CNR2: variants seen among roughly 807,000 people sequenced by gnomAD.
CNR2 encodes the protein cannabinoid receptor 2, also known as cannabinoid receptor 2 (macrophage).
For synonymous variants in CNR2, 172 were observed against 182.2 expected, an observed-to-expected ratio of 0.94 and a Z score of 0.45; for missense variants, 379 against 439.9, an observed-to-expected ratio of 0.86 and a Z score of 1.24.
chr1:23,894,115 T>C (rs1462887900), intron 1 of CNR2, among the ~76,000 whole-genome samples: 5 of 63,710 alleles, frequency 7.8e-5, no homozygotes, highest in Non-Finnish European at 2.9e-5. Flanking sequence ...GCAGACCCTG[T>C]CTCAAATTAA....
At chr1:23,887,097 G>A (rs1443760964) in intron 1 of CNR2, among the ~76,000 whole-genome samples, 2 of 152,120 alleles carry the variant, frequency 1.3e-5, no homozygotes, top group African/African-American at 4.8e-5. Context: ...ATTGAGACAG[G>A]GTTTTGCCAT....
At chr1:23,893,511 T>C (rs532606689) in intron 1 of CNR2, among the ~76,000 whole-genome samples, 1 of 152,328 alleles carries the variant, frequency 6.6e-6, no homozygotes, top group African/African-American at 2.4e-5. Flanking sequence ...TAAAACTAAT[T>C]AAGCAGGAGA....
chr1:23,907,745 A>T (rs1640520372), intron 1 of CNR2: 1 of 152,082 alleles, frequency 6.6e-6, no homozygotes, highest in Non-Finnish European at 1.5e-5. Context: ...CACCCACCTC[A>T]GCCTCCCAAA....
Position 23,874,285 on chromosome 1 carries a change from T to C in CNR2, c.*250A>G. ...AGCCTGACCTGACTTGTACTGACCC[T>C]GTCCCAGGCCTTTTGTGTCTCGCCT... is the stretch of plus-strand genomic sequence containing the variant. On this transcript the variant is annotated 3_prime_UTR_variant, in exon 2 of 2. Coordinates refer to ENST00000374472, the MANE Select transcript of CNR2 (RefSeq NM_001841.3). The C allele has an allele frequency of 2.2e-6, 1 of 463,416 alleles. No individual in the cohort carries two copies. Among genetic ancestry groups the C allele is most frequent in the Non-Finnish European group, 3.9e-6 (1 of 253,738 alleles). 28.7% of individuals were successfully genotyped at this position (463,416 alleles called of 1,614,324 possible).
At position 23,871,106 on chromosome 1, in the gene CNR2, T is replaced by G. The variant is rs1365698488; in HGVS notation, c.*3429A>C. On this transcript the variant is annotated 3_prime_UTR_variant, in exon 2 of 2. Coordinates refer to ENST00000374472, the MANE Select transcript of CNR2 (RefSeq NM_001841.3). The stretch of plus-strand genomic sequence containing the variant: ...AGGCAGAGGTTGCAGTGAGCCAAGA[T>G]TGCATGCCACTGCACTCCAACCTGG... The G allele has an allele frequency of 7.3e-6, 1 of 137,436 alleles. No homozygotes were observed. The highest frequency in any genetic ancestry group is 2.1e-4 in the East Asian group (1 of 4,798). The allele number at this position is 137,436 out of a possible 1,614,324, so 8.5% of individuals were successfully genotyped here.
chr1:23,889,185 A>G (rs1218906685), intron 1 of CNR2, among the ~76,000 whole-genome samples: 1 of 152,144 alleles, frequency 6.6e-6, no homozygotes, highest in Admixed American at 6.6e-5. Flanking sequence ...GAACCTGCTC[A>G]GAAAAGGTGT....
At chr1:23,901,996 G>T (rs1431446185) in intron 1 of CNR2, 9 of 1,605,238 alleles carry the variant, frequency 5.6e-6, no homozygotes, top group Non-Finnish European at 7.7e-6. Context: ...ACCACAGGAA[G>T]ATGGTGTGGG....
At chr1:23,909,412 C>A (rs1229168868) in intron 1 of CNR2, among the ~76,000 whole-genome samples, 2 of 152,164 alleles carry the variant, frequency 1.3e-5, no homozygotes, top group African/African-American at 4.8e-5. Flanking sequence ...AGAGCCTTGG[C>A]TGTGCGTGGG....
intron 1 of CNR2, among the ~76,000 whole-genome samples, chr1:23,886,852 C>T (rs1223116706): frequency 6.6e-6 from 1 of 152,074 alleles, no homozygotes; most frequent in Non-Finnish European, 1.5e-5. Context: ...TAGAGATGGC[C>T]CTATGCAGAG....
chr1:23,890,029 G>A (rs1215847679), intron 1 of CNR2, among the ~76,000 whole-genome samples: 3 of 151,942 alleles, frequency 2.0e-5, no homozygotes, highest in African/African-American at 7.2e-5. Context: ...CAGCACTTTG[G>A]GAGGCAGAGA....
chr1:23,896,243 A>G (rs1640280538), intron 1 of CNR2, among the ~76,000 whole-genome samples: 1 of 152,202 alleles, frequency 6.6e-6, no homozygotes, highest in East Asian at 1.9e-4. Context: ...TTTACCCATC[A>G]GGCTGTTGGG....
intron 1 of CNR2, chr1:23,902,152 C>T (rs1640411185): frequency 1.4e-6 from 2 of 1,415,332 alleles, no homozygotes; most frequent in Non-Finnish European, 1.0e-6. Context: ...CAGCCCCTGC[C>T]TCTTGCACTC....
At chr1:23,897,284 G>A (rs1161124605) in intron 1 of CNR2, among the ~76,000 whole-genome samples, 2 of 152,046 alleles carry the variant, frequency 1.3e-5, no homozygotes, top group South Asian at 2.1e-4. Flanking sequence ...AAGAGCTGGC[G>A]AGAGAAAGGC....
At chr1:23,888,660 T>C (rs1308809089) in intron 1 of CNR2, among the ~76,000 whole-genome samples, 1 of 152,056 alleles carries the variant, frequency 6.6e-6, no homozygotes, top group African/African-American at 2.4e-5. Context: ...CTGAACCTAT[T>C]CTGGGCTGCC....
intron 1 of CNR2, among the ~76,000 whole-genome samples, chr1:23,887,651 G>A (rs932548777): frequency 6.6e-6 from 1 of 152,114 alleles, no homozygotes; most frequent in Non-Finnish European, 1.5e-5. Flanking sequence ...AGAATCTCTG[G>A]CTTCTAGACA....
At chr1:23,879,866 T>C (rs2148458872) in intron 1 of CNR2, among the ~76,000 whole-genome samples, 1 of 152,262 alleles carries the variant, frequency 6.6e-6, no homozygotes, top group South Asian at 2.1e-4. Context: ...TTTAAAAATA[T>C]AGGATCTTGT....
intron 1 of CNR2, chr1:23,907,987 T>TTC (rs1640524906): frequency 1.5e-5 from 2 of 134,540 alleles, no homozygotes; most frequent in African/African-American, 5.7e-5. Context: ...ACTGCTTTTT[T>TTC]TTTTTTTTTT....
At chr1:23,909,606 G>C (rs1055176381) in intron 1 of CNR2, among the ~76,000 whole-genome samples, 6 of 152,172 alleles carry the variant, frequency 3.9e-5, no homozygotes, top group Non-Finnish European at 7.3e-5. Flanking sequence ...TAGAGCCTCA[G>C]GGTCTTGGCA....
At chr1:23,886,887 GGTTTTTTT>G (rs1345121223) in intron 1 of CNR2, among the ~76,000 whole-genome samples, 1 of 72,560 alleles carries the variant, frequency 1.4e-5, no homozygotes, top group African/African-American at 4.9e-5. Flanking sequence ...CACCCTTTGC[GGTTTTTTT>G]GTTTTTTTTG....
Sources: allele counts gnomAD v4.1 joint callset (sites outside exome capture counted in the v4.1 genomes callset), GRCh38; gene constraint gnomAD v4.1.1; transcripts MANE v1.5; gene names NCBI Gene and HGNC (gene_info 2026-07-23, HGNC 2026-07-21).